The following SSC4D variants were observed in gnomAD, a reference collection of about 807,000 sequenced individuals.
The protein encoded by SSC4D is scavenger receptor cysteine rich family member with 4 domains.
Under a neutral mutation model 63.4 loss-of-function variants are expected in SSC4D, and 57 were observed. That is an observed-to-expected ratio of 0.90 (90% confidence interval 0.73 to 1.12). The LOEUF (loss-of-function observed/expected upper bound fraction) is 1.12. SSC4D is among the 50% of genes most tolerant of loss of function. The pLI is 0.00. For missense variants in SSC4D, 791 were observed against 806.4 expected (o/e 0.98, Z 0.23); for synonymous variants, 352 against 345.4 (o/e 1.02, Z -0.21).
At chr7:76,394,408 A>AT (rs56223813) in intron 7 of SSC4D, among the ~76,000 whole-genome samples, 1,381 of 134,252 alleles carry the variant, frequency 0.01, 22 homozygotes, top group East Asian at 0.049. Context: ...TGCCCAGCTA[A>AT]TTTTTTTTTT....
chr7:76,395,754 C>T lies in SSC4D; in HGVS notation c.869-424G>A, dbSNP rs561211352. Reference sequence around the variant, plus strand: ...TTACCCAGGCTGGAGTGCAATGGTGCGATCTCCGCTCACTGCAACCTCCGC... The same window carrying T: ...TTACCCAGGCTGGAGTGCAATGGTGTGATCTCCGCTCACTGCAACCTCCGC... On this transcript the variant is annotated intron_variant, in intron 6 of 10. Transcript: ENST00000275560. 2.9e-3 allele frequency among the ~76,000 whole-genome samples: 447 copies of T among 152,300 alleles called. 1 individual carries two copies. Among genetic ancestry groups the T allele is most frequent in the Non-Finnish European group, 4.8e-3 (327 of 68,026 alleles).
rs1201282181 is a variant in SSC4D at position 76,393,547 on chromosome 7, G to A, written c.1191C>T (p.Gly397=). The A allele has an allele frequency of 6.6e-7, 1 of 1,522,312 alleles. No individual in the cohort carries two copies. Among genetic ancestry groups the A allele is most frequent in the Non-Finnish European group, 8.8e-7 (1 of 1,141,768 alleles). The allele number at this position is 1,522,312 out of a possible 1,614,324, so 94.3% of individuals were successfully genotyped here. The stretch of plus-strand genomic sequence containing the variant: ...CGGGGCCGCGGCCGTAGCCGAAGTG[G>A]CCCAGTCCCGTAGCGCCCAGCGCAG... The part of the protein sequence containing the change: ...CGPALGATGL[G]HFGYGRGPVL... Residue 397 remains glycine, a synonymous_variant, in exon 9 of 11, where the codon GGC becomes GGT. Transcript: ENST00000275560.
At position 76,400,269 on chromosome 7, in the gene SSC4D, C is replaced by T; in HGVS notation, c.475+17G>A. The T allele has an allele frequency of 1.4e-6, 2 of 1,451,562 alleles. No individual in the cohort carries two copies. Among genetic ancestry groups the T allele is most frequent in the African/African-American group, 1.5e-5 (1 of 68,752 alleles). 89.9% of individuals were successfully genotyped at this position (1,451,562 alleles called of 1,614,324 possible). ...CCACAGTCTGTCTGTCCCTCCAGGT[C>T]CCAGGGCTCCACTCACCATCACACA... On this transcript the variant is annotated intron_variant, in intron 4 of 10. Transcript: ENST00000275560.
At chr7:76,408,393 G>C (rs929720605) in intron 1 of SSC4D, among the ~76,000 whole-genome samples, 2 of 152,118 alleles carry the variant, frequency 1.3e-5, no homozygotes, top group Non-Finnish European at 2.9e-5. Flanking sequence ...CATGAGGAGG[G>C]GGAAAGACAC....
In SSC4D at chr7:76,397,639, T is replaced by G. The variant is rs754853681; in HGVS notation, c.747A>C (p.Gly249=). ...TTNAFFGYGT[G]HILLDNVHCE... ...AGTGCACGTTGTCCAGCAGGATGTG[T>G]CCGGTGCCATAGCCGAAGAAGGCGT... is the stretch of plus-strand genomic sequence containing the variant. Residue 249 remains glycine, a synonymous_variant, in exon 6 of 11, where the codon GGA becomes GGC. Transcript: ENST00000275560. 6.2e-7 allele frequency: 1 copy of G among 1,613,554 alleles called. No individual in the cohort carries two copies. Among genetic ancestry groups the G allele is most frequent in the African/African-American group, 1.3e-5 (1 of 74,916 alleles).
At chr7:76,396,430 C>T (rs1315080073) in intron 6 of SSC4D, among the ~76,000 whole-genome samples, 4 of 152,222 alleles carry the variant, frequency 2.6e-5, no homozygotes, top group African/African-American at 9.7e-5. Flanking sequence ...AATAGAATTA[C>T]GACTGCAGAC....
At chr7:76,394,376 C>CTAG (rs1331320606) in intron 7 of SSC4D, among the ~76,000 whole-genome samples, 1 of 151,430 alleles carries the variant, frequency 6.6e-6, no homozygotes, top group Non-Finnish European at 1.5e-5. Flanking sequence ...TTCCAAAGTG[C>CTAG]TAGGACTGGT....
rs183354212 is a variant in SSC4D, at chr7:76,390,597, C to T, written c.1412-222G>A. Among the ~76,000 whole-genome samples the T allele has an allele frequency of 1.5e-4, 23 of 151,642 alleles. No individual in the cohort carries two copies. In the East Asian group the frequency reaches 4.5e-3, roughly 30 times the overall value. The stretch of plus-strand genomic sequence containing the variant: ...CTTTGGGAGGCCGAGGCAGGCGGAT[C>T]ACGAGATTAGGAGATCGAGACCATC... On this transcript the variant is annotated intron_variant, in intron 10 of 10. Transcript: ENST00000275560.
intron 1 of SSC4D, among the ~76,000 whole-genome samples, chr7:76,406,065 A>C (rs1805019657): frequency 6.6e-6 from 1 of 151,858 alleles, no homozygotes; most frequent in Non-Finnish European, 1.5e-5. Context: ...CGTTCACTGC[A>C]AACTCTGCCT....
rs1563686833 is a variant in SSC4D, at chr7:76,405,294, TATA to T, written c.-66-792_-66-790del. On this transcript the variant is annotated intron_variant, in intron 1 of 10. Coordinates refer to ENST00000275560, the MANE Select transcript of SSC4D (RefSeq NM_080744.2). ...AATTATATATATATATATATATATATATATATATATATATATATATATGTATTT... is the reference window on the plus strand; with the variant it reads ...AATTATATATATATATATATATATATTATATATATATATATATATGTATTT... 1.3e-3 allele frequency among the ~76,000 whole-genome samples: 70 copies of T among 53,086 alleles called. 3 individuals are homozygous for T. Among genetic ancestry groups the T allele is most frequent in the African/African-American group, 5.5e-3 (68 of 12,432 alleles). The allele number at this position is 53,086 out of a possible 152,430, so 34.8% of individuals were successfully genotyped here.
chr7:76,395,236 AG>A lies in SSC4D; in HGVS notation c.946+16del, dbSNP rs759369781. 6 of 1,613,148 alleles carry A rather than the reference AG, an allele frequency of 3.7e-6. No individual in the cohort carries two copies. Among genetic ancestry groups the A allele is most frequent in the Non-Finnish European group, 5.1e-6 (6 of 1,179,732 alleles). ...CCATACCCCTACCATTCCCGCCTGGAGGGCTGAGCTCTTTACCGGACGGATC... is the reference window on the plus strand; with the variant it reads ...CCATACCCCTACCATTCCCGCCTGGAGGCTGAGCTCTTTACCGGACGGATC... On this transcript the variant is annotated intron_variant, in intron 7 of 10. Coordinates refer to ENST00000275560, the MANE Select transcript of SSC4D (RefSeq NM_080744.2).
rs1445547503 is a variant in SSC4D at position 76,405,322 on chromosome 7, T to TC, written c.-66-818_-66-817insG. 3.5e-3 allele frequency among the ~76,000 whole-genome samples: 213 copies of TC among 60,414 alleles called. 10 individuals carry two copies. The highest frequency in any genetic ancestry group is 9.7e-3 in the African/African-American group (105 of 10,832). 39.6% of individuals were successfully genotyped at this position (60,414 alleles called of 152,430 possible). A position where few individuals can be genotyped will look rare whatever the true frequency, so the allele number is the denominator to read the frequency against. ...ATATATATATATATATATATGTATT[T>TC]TTTTCTTTCTTTCTTTCTTTTTTTT... On this transcript the variant is annotated intron_variant, in intron 1 of 10. Coordinates refer to ENST00000275560, the MANE Select transcript of SSC4D (RefSeq NM_080744.2).
chr7:76,390,039 G>T lies in SSC4D; in HGVS notation c.*20C>A, dbSNP rs780079082. 43 of 1,613,760 alleles carry T rather than the reference G, an allele frequency of 2.7e-5. No homozygotes were observed. In the South Asian group the frequency reaches 4.4e-4, roughly 16 times the overall value. ...GGTCACAGCTCCCAGAAGAAGAGGT[G>T]GTCTGCAGAGCGGGCTGGGTCATGA... On this transcript the variant is annotated 3_prime_UTR_variant, in exon 11 of 11. Coordinates refer to ENST00000275560, the MANE Select transcript of SSC4D (RefSeq NM_080744.2).
At chr7:76,399,135 C>T (rs1011209727) in intron 4 of SSC4D, among the ~76,000 whole-genome samples, 6 of 152,148 alleles carry the variant, frequency 3.9e-5, no homozygotes, top group African/African-American at 1.4e-4. Context: ...CCTCAGCCTC[C>T]TGAGTAGCTG....
In SSC4D at chr7:76,400,580, C is replaced by G. The variant is rs369258749; in HGVS notation, c.181G>C (p.Val61Leu). Residue 61 changes from valine to leucine, a missense_variant, in exon 4 of 11, where the codon GTG becomes CTG. Coordinates refer to ENST00000275560, the MANE Select transcript of SSC4D (RefSeq NM_080744.2). Reference protein sequence around the residue: ...TPLPFQELRLVGGPSRCRGRL... With the variant: ...TPLPFQELRLLGGPSRCRGRL... ...CCCCGGCAGCGGCTGGGGCCCCCCA[C>G]CAGCCTCAGCTCTGTGAAGAGGGTG... 33 of 1,475,662 alleles carry G rather than the reference C, an allele frequency of 2.2e-5. 1 individual carries two copies. In the East Asian group the frequency reaches 8.4e-4, roughly 38 times the overall value. 91.4% of individuals were successfully genotyped at this position (1,475,662 alleles called of 1,614,324 possible). A position where few individuals can be genotyped will look rare whatever the true frequency, so the allele number is the denominator to read the frequency against.
chr7:76,394,836 T>TTATATATAAGATATATATAA (rs1554621492), intron 7 of SSC4D, among the ~76,000 whole-genome samples: 3,878 of 144,444 alleles, frequency 0.027, 171 homozygotes, highest in African/African-American at 0.093. Context: ...ATGATATATA[T>TTATATATAAGATATATATAA]TATATATAAG....
At chr7:76,403,313 G>A (rs139830136) in intron 2 of SSC4D, among the ~76,000 whole-genome samples, 3 of 151,702 alleles carry the variant, frequency 2.0e-5, no homozygotes, top group African/African-American at 7.3e-5. Context: ...ACTTGTGTAC[G>A]CATTTTACTG....
At chr7:76,404,797 C>T (rs112392393) in intron 1 of SSC4D, among the ~76,000 whole-genome samples, 3,683 of 150,332 alleles carry the variant, frequency 0.024, 111 homozygotes, top group East Asian at 0.13. Context: ...AGGCCGGCTG[C>T]GGTGGCTCAT....
chr7:76,394,828 G>T (rs986049202), intron 7 of SSC4D, among the ~76,000 whole-genome samples: 1 of 142,008 alleles, frequency 7.0e-6, no homozygotes, highest in African/African-American at 2.7e-5. Context: ...TAATATATAT[G>T]ATATATATTA....
Sources: allele counts gnomAD v4.1 joint callset (sites outside exome capture counted in the v4.1 genomes callset), GRCh38; gene constraint gnomAD v4.1.1; transcripts MANE v1.5; gene names NCBI Gene and HGNC (gene_info 2026-07-23, HGNC 2026-07-21).